Variants in SATL1 observed in about 807,000 individuals in gnomAD.
The protein encoded by SATL1 is spermidine/spermine N(1)-acetyltransferase-like protein 1.
Under a neutral mutation model 51.8 loss-of-function variants are expected in SATL1, and 47 were observed. The ratio of observed to expected loss-of-function variants is 0.91; its 90% CI spans 0.72 to 1.16. The LOEUF is 1.16. SATL1 is among the 50% of genes most tolerant of loss of function. SATL1 has a pLI of 0.00. For missense variants in SATL1, 520 were observed against 526.4 expected, an observed-to-expected ratio of 0.99 and a Z score of 0.12; for synonymous variants, 176 against 182.4, an observed-to-expected ratio of 0.97 and a Z score of 0.28.
At chrX:85,096,881 AACTG>A (rs1924740033) in intron 4 of SATL1, among the ~76,000 whole-genome samples, 1 of 108,117 alleles carries the variant, frequency 9.2e-6, no homozygotes, top group African/African-American at 3.4e-5. Flanking sequence ...AAAAGAAAGA[AACTG>A]AAGGAATTCA....
rs747093188 is a variant in SATL1, at chrX:85,118,087, C to CTTTTTTTT, written c.-312-8815_-312-8808dup. ...TTTTGCAAATAAAAAAAGAACTTAG[C>CTTTTTTTT]TTTTTTTTTTTTTTTTCCAGAGTGC... is the stretch of plus-strand genomic sequence containing the variant. On this transcript the variant is annotated intron_variant, in intron 2 of 7. Transcript: ENST00000644105. Among the ~76,000 whole-genome samples, 18 of 46,162 alleles carry CTTTTTTTT rather than the reference C, an allele frequency of 3.9e-4. 4 individuals carry two copies. Among genetic ancestry groups the CTTTTTTTT allele is most frequent in the East Asian group, 1.3e-3 (2 of 1,570 alleles). The allele number at this position is 46,162 out of a possible 115,157, so 40.1% of individuals were successfully genotyped here.
intron 2 of SATL1, among the ~76,000 whole-genome samples, chrX:85,116,969 G>C (rs1925394735): frequency 9.0e-6 from 1 of 111,207 alleles, no homozygotes; most frequent in South Asian, 3.8e-4. Flanking sequence ...TGACCTTCCA[G>C]GAACATTTGG....
intron 2 of SATL1, among the ~76,000 whole-genome samples, chrX:85,159,039 T>C (rs761934238): frequency 8.9e-6 from 1 of 111,744 alleles, no homozygotes; most frequent in East Asian, 2.8e-4. Context: ...AAGTTGTTCA[T>C]ACCATCATCA....
At chrX:85,198,844 A>G (rs753990653) in intron 2 of SATL1, among the ~76,000 whole-genome samples, 3 of 109,445 alleles carry the variant, frequency 2.7e-5, no homozygotes, top group Non-Finnish European at 5.7e-5. Flanking sequence ...GATCTTATTC[A>G]TTCTTTTTTT....
chrX:85,107,906 C>A lies in SATL1; in HGVS notation c.1063G>T (p.Ala355Ser), dbSNP rs371178555. The A allele has an allele frequency of 4.1e-6, 5 of 1,208,875 alleles. No individual in the cohort carries two copies. The African/African-American group carries it at 8.8e-5, about 21-fold the overall frequency. The stretch of plus-strand genomic sequence containing the variant: ...TGTCTGGGGCCTGATTGGCTTGGGG[C>A]TCGTTGCGGTGGACCTGGTTGGCTT... ...SISQPGPPQR[A>S]PSQSGPRQSS... Residue 355 changes from alanine (A) to serine (S), a missense_variant, in exon 3 of 8, where the codon GCC becomes TCC. Coordinates refer to ENST00000644105, the MANE Select transcript of SATL1 (RefSeq NM_001367857.2).
intron 2 of SATL1, among the ~76,000 whole-genome samples, chrX:85,185,091 T>C (rs1228382472): frequency 1.8e-5 from 2 of 112,259 alleles, no homozygotes; most frequent in East Asian, 5.7e-4. Flanking sequence ...TGCAGCCCCA[T>C]AGTGGTACCA....
intron 2 of SATL1, among the ~76,000 whole-genome samples, chrX:85,158,610 A>G (rs1047334886): frequency 3.6e-5 from 4 of 112,118 alleles, no homozygotes; most frequent in Admixed American, 9.5e-5. Context: ...GTGAAAATAA[A>G]CAACAATTAT....
At chrX:85,142,793 T>A (rs1344773624) in intron 2 of SATL1, 2 of 111,785 alleles carry the variant, frequency 1.8e-5, no homozygotes, top group African/African-American at 6.5e-5. Flanking sequence ...AATATCCTAA[T>A]GAAAGCCTGG....
chrX:85,241,046 T>A (rs1028852314), intron 1 of SATL1, among the ~76,000 whole-genome samples: 1 of 110,690 alleles, frequency 9.0e-6, no homozygotes, highest in Non-Finnish European at 1.9e-5. Flanking sequence ...CCCCAAGGAG[T>A]CCTGGTACCT....
intron 2 of SATL1, among the ~76,000 whole-genome samples, chrX:85,191,005 A>G (rs1927426080): frequency 9.4e-6 from 1 of 106,668 alleles, no homozygotes; most frequent in South Asian, 4.4e-4. Context: ...GCATTAGGAG[A>G]TATACCTAAT....
chrX:85,127,382 T>G (rs1258652555), intron 2 of SATL1, among the ~76,000 whole-genome samples: 1 of 111,703 alleles, frequency 9.0e-6, no homozygotes, highest in Non-Finnish European at 1.9e-5. Flanking sequence ...TAGGTTGTAT[T>G]ATTATTCATA....
chrX:85,120,583 T>C (rs181649650), intron 2 of SATL1, among the ~76,000 whole-genome samples: 2 of 111,839 alleles, frequency 1.8e-5, no homozygotes, highest in East Asian at 5.6e-4. Flanking sequence ...TGGTGGTTGA[T>C]GAGAGAATCC....
chrX:85,200,396 A>G (rs1193517328), intron 2 of SATL1, among the ~76,000 whole-genome samples: 8 of 112,408 alleles, frequency 7.1e-5, no homozygotes, highest in African/African-American at 2.3e-4. Context: ...CTTGCCAATC[A>G]CTGGACTGAG....
At chrX:85,210,398 A>T (rs1927889659) in intron 2 of SATL1, 1 of 6,216 alleles carries the variant, frequency 1.6e-4, no homozygotes, top group Admixed American at 2.3e-3. Flanking sequence ...CCAAACTGGT[A>T]AAAAAAAAAA....
At chrX:85,126,809 T>C (rs1007909022) in intron 2 of SATL1, among the ~76,000 whole-genome samples, 3 of 109,567 alleles carry the variant, frequency 2.7e-5, no homozygotes, top group Non-Finnish European at 5.7e-5. Context: ...TACCAAACGA[T>C]GGCCTTTATT....
At chrX:85,149,283 C>T (rs1008460669) in intron 2 of SATL1, among the ~76,000 whole-genome samples, 1 of 111,418 alleles carries the variant, frequency 9.0e-6, no homozygotes, top group South Asian at 3.8e-4. Context: ...AATATATATG[C>T]ACCCAATACA....
intron 2 of SATL1, among the ~76,000 whole-genome samples, chrX:85,121,500 AG>A (rs1804653249): frequency 9.6e-6 from 1 of 104,381 alleles, no homozygotes; most frequent in Non-Finnish European, 1.9e-5. Flanking sequence ...GTTAGTATAT[AG>A]TATATATACT....
chrX:85,135,170 G>T (rs758174282), intron 2 of SATL1, among the ~76,000 whole-genome samples: 1 of 110,345 alleles, frequency 9.1e-6, no homozygotes, highest in African/African-American at 3.3e-5. Flanking sequence ...ACTGGGGCCT[G>T]TCGGTGGGGG....
chrX:85,117,761 A>G (rs1414238339), intron 2 of SATL1, among the ~76,000 whole-genome samples: 1 of 111,822 alleles, frequency 8.9e-6, no homozygotes, highest in African/African-American at 3.2e-5. Context: ...TTATTAAAGA[A>G]TGCATGTTCA....
Sources: gnomAD v4.1 joint callset for allele counts (sites outside exome capture counted in the v4.1 genomes callset) on GRCh38, gnomAD v4.1.1 for gene constraint, MANE v1.5 for transcripts, NCBI Gene and HGNC (gene_info 2026-07-23, HGNC 2026-07-21) for gene names.